NTSR1: variants seen among roughly 807,000 people sequenced by gnomAD.
The protein encoded by NTSR1 is neurotensin receptor 1.
In NTSR1, 29 loss-of-function variants were observed where a neutral mutation model predicts 31.2. The ratio of observed to expected loss-of-function variants is 0.93; its 90% CI spans 0.69 to 1.27. The LOEUF is 1.27. NTSR1 is among the 50% of genes most tolerant of loss of function. The pLI, the probability that NTSR1 is intolerant of heterozygous loss-of-function variation, is 0.00. For missense variants in NTSR1, 697 were observed against 595.4 expected (o/e 1.17, Z -1.78); for synonymous variants, 282 against 269.9 (o/e 1.04, Z -0.44).
At position 62,745,946 on chromosome 20, in the gene NTSR1, G is replaced by A. The variant is rs978767072; in HGVS notation, c.715-8739G>A. Among the ~76,000 whole-genome samples the A allele has an allele frequency of 5.9e-5, 9 of 152,244 alleles. No individual in the cohort carries two copies. Among genetic ancestry groups the A allele is most frequent in the African/African-American group, 2.2e-4 (9 of 41,464 alleles). ...GCCAGGGTGCTGTGGCATCAGTGGC[G>A]CTGAGGCATCCTCTGGCCGGCCCTG... On this transcript the variant is annotated intron_variant, in intron 1 of 3. Coordinates refer to ENST00000370501, the MANE Select transcript of NTSR1 (RefSeq NM_002531.3). The surrounding 1 kb of genome is among the most constrained non-coding windows in gnomAD (Gnocchi z 4.1).
At chr20:62,759,832 C>T (rs1377393985) in intron 3 of NTSR1, among the ~76,000 whole-genome samples, 186 bp from the exon 4 acceptor site, 1 of 151,682 alleles carries the variant, frequency 6.6e-6, no homozygotes, top group Non-Finnish European at 1.5e-5. Flanking sequence ...CGAGAACTTG[C>T]AGCTGCTCAG....
intron 1 of NTSR1, among the ~76,000 whole-genome samples, chr20:62,730,600 C>T (rs1366096714): frequency 6.6e-6 from 1 of 152,128 alleles, no homozygotes; most frequent in Non-Finnish European, 1.5e-5. Context: ...GTAGAAATGC[C>T]AAGGAGGGCG....
chr20:62,760,071 A>C lies in NTSR1; in HGVS notation c.1061A>C (p.Tyr354Ser), dbSNP rs748084499. 45 of 1,614,048 alleles carry C rather than the reference A, an allele frequency of 2.8e-5. No homozygotes were observed. Among genetic ancestry groups the C allele is most frequent in the Non-Finnish European group, 3.8e-5 (45 of 1,179,970 alleles). The change falls in exon 4 of 4, where the codon TAC (tyrosine) becomes TCC (serine). Residue 354 changes from tyrosine to serine, a missense_variant. Physicochemically the swap from Tyr to Ser is moderately radical, Grantham distance 144 (BLOSUM62 -2). Coordinates refer to ENST00000370501, the MANE Select transcript of NTSR1 (RefSeq NM_002531.3). ...YFYMVTNALF[Y>S]VSSTINPILY... ...TACATGGTGACCAACGCACTCTTCT[A>C]CGTCAGCTCCACCATCAACCCCATC... is the stretch of plus-strand genomic sequence containing the variant.
rs1365687440 is a variant in NTSR1 at position 62,758,640 on chromosome 20, T to A, written c.1007+284T>A. On this transcript the variant is annotated intron_variant, in intron 3 of 3. Transcript: ENST00000370501. This position sits in a 1 kb window ranked among gnomAD's most constrained non-coding sequence, Gnocchi z 4.5. ...CCCGAAGGTGAAAGAGAGACATCCC[T>A]GGCTCTGCTGGGGACATGGTGGGGG... is the stretch of plus-strand genomic sequence containing the variant. 2.0e-5 allele frequency among the ~76,000 whole-genome samples: 3 copies of A among 152,128 alleles called. No homozygotes were observed. Among genetic ancestry groups the A allele is most frequent in the Non-Finnish European group, 4.4e-5 (3 of 68,008 alleles).
At chr20:62,727,265 C>T (rs924707643) in intron 1 of NTSR1, among the ~76,000 whole-genome samples, 2 of 151,862 alleles carry the variant, frequency 1.3e-5, no homozygotes, top group Non-Finnish European at 2.9e-5. Flanking sequence ...CGTAGATGCG[C>T]TCTCTCCGGC....
In NTSR1 at chr20:62,733,028, G is replaced by A. The variant is rs1190042313; in HGVS notation, c.715-21657G>A. 6.8e-6 allele frequency: 1 copy of A among 146,856 alleles called. No individual in the cohort carries two copies. Among genetic ancestry groups the A allele is most frequent in the Non-Finnish European group, 1.5e-5 (1 of 66,270 alleles). The allele number at this position is 146,856 out of a possible 1,614,324, so 9.1% of individuals were successfully genotyped here. On this transcript the variant is annotated intron_variant, in intron 1 of 3. Transcript: ENST00000370501. The surrounding 1 kb of genome is among the most constrained non-coding windows in gnomAD (Gnocchi z 5.2). ...TGTTTCTCGGTGAGAAGCCGCCACG[G>A]GAGTCTGTGGACTTGTCACATCACC...
rs1475848423 is a variant in NTSR1 at position 62,745,873 on chromosome 20, G to T, written c.715-8812G>T. On this transcript the variant is annotated intron_variant, in intron 1 of 3. Coordinates refer to ENST00000370501, the MANE Select transcript of NTSR1 (RefSeq NM_002531.3). The surrounding 1 kb of genome is among the most constrained non-coding windows in gnomAD (Gnocchi z 4.1). ...CACGCGTCCCCCAGAATATTCATGG[G>T]GCTGGGCCAGGTGACTCCCTGCTCT... 6.6e-6 allele frequency among the ~76,000 whole-genome samples: 1 copy of T among 152,230 alleles called. No homozygotes were observed. Among genetic ancestry groups the T allele is most frequent in the South Asian group, 2.1e-4 (1 of 4,838 alleles).
At chr20:62,720,976 A>G (rs6011868) in intron 1 of NTSR1, among the ~76,000 whole-genome samples, 20,259 of 152,112 alleles carry the variant, frequency 0.13, 1,426 homozygotes, top group African/African-American at 0.15. Context: ...ATTTAACCCT[A>G]TTATGTTTAG....
rs368144985 is a variant in NTSR1, at chr20:62,709,571, G to A, written c.364G>A (p.Val122Met). ...DLLTLLLAMP[V>M]ELYNFIWVHH... ...GCTCACCCTGCTGCTGGCCATGCCC[G>A]TGGAGCTGTACAACTTCATCTGGGT... The change falls in exon 1 of 4, where the codon GTG becomes ATG. Residue 122 changes from valine to methionine, a missense_variant. Physicochemically the swap from Val to Met is conservative, Grantham distance 21. Transcript: ENST00000370501. The A allele has an allele frequency of 1.2e-6, 2 of 1,611,666 alleles. No individual in the cohort carries two copies. Among genetic ancestry groups the A allele is most frequent in the Non-Finnish European group, 1.7e-6 (2 of 1,179,872 alleles).
chr20:62,754,642 T>G lies in NTSR1; in HGVS notation c.715-43T>G. On this transcript the variant is annotated intron_variant, in intron 1 of 3. Coordinates refer to ENST00000370501, the MANE Select transcript of NTSR1 (RefSeq NM_002531.3). ...GGCATCCCAGCTGAGGGTGCATGAG[T>G]CCCGCTGCTGGCTCTGACAGCCTCG... The G allele has an allele frequency of 2.0e-6, 3 of 1,530,374 alleles. 1 individual carries two copies. In the East Asian group the frequency reaches 6.8e-5, roughly 34 times the overall value. 94.8% of individuals were successfully genotyped at this position (1,530,374 alleles called of 1,614,324 possible). A position where few individuals can be genotyped will look rare whatever the true frequency, so the allele number is the denominator to read the frequency against.
In NTSR1 at chr20:62,758,007, T is replaced by G. The variant is rs111382174; in HGVS notation, c.917-259T>G. Among the ~76,000 whole-genome samples the G allele has an allele frequency of 0.029, 4,292 of 149,630 alleles. 114 individuals are homozygous for G. Among genetic ancestry groups the G allele is most frequent in the African/African-American group, 0.093 (3,718 of 39,780 alleles). On this transcript the variant is annotated intron_variant, in intron 2 of 3. Transcript: ENST00000370501. This position sits in a 1 kb window ranked among gnomAD's most constrained non-coding sequence, Gnocchi z 4.5. ...TGCAGTGGGTCTCTGAGCCCACGTC[T>G]CTGTGCCTCAGGTGCAGTGGGTCTC...
intron 1 of NTSR1, among the ~76,000 whole-genome samples, chr20:62,750,290 G>A (rs1012712464): frequency 1.3e-5 from 2 of 152,208 alleles, no homozygotes; most frequent in African/African-American, 2.4e-5. Flanking sequence ...AGTGCTGGGG[G>A]AGGGGAACGA....
At chr20:62,728,056 C>A (rs1175436495) in intron 1 of NTSR1, among the ~76,000 whole-genome samples, 1 of 152,236 alleles carries the variant, frequency 6.6e-6, no homozygotes, top group Non-Finnish European at 1.5e-5. Flanking sequence ...GCCCCATCAT[C>A]TGGCTCTTTA....
intron 1 of NTSR1, among the ~76,000 whole-genome samples, chr20:62,718,485 T>G (rs1049129812): frequency 1.2e-4 from 19 of 152,280 alleles, no homozygotes; most frequent in African/African-American, 3.9e-4. Context: ...AATGCAGCCA[T>G]GTATCCCCAC....
intron 1 of NTSR1, among the ~76,000 whole-genome samples, chr20:62,721,152 A>G (rs955263651): frequency 3.9e-5 from 6 of 152,206 alleles, no homozygotes; most frequent in Non-Finnish European, 7.3e-5. Context: ...GGATAGTGTT[A>G]TAGTATTTAA....
chr20:62,710,433 G>A (rs963158523), intron 1 of NTSR1, among the ~76,000 whole-genome samples: 2 of 152,200 alleles, frequency 1.3e-5, no homozygotes, highest in Non-Finnish European at 2.9e-5. Context: ...CTGTGTGATG[G>A]GGTAGTGATA....
chr20:62,734,973 T>C (rs981749583), intron 1 of NTSR1, among the ~76,000 whole-genome samples: 6 of 152,024 alleles, frequency 3.9e-5, no homozygotes, highest in African/African-American at 1.5e-4. Context: ...GGCTTTGGGG[T>C]GTGTCCAGAG....
intron 1 of NTSR1, among the ~76,000 whole-genome samples, chr20:62,725,214 G>T (rs1010324413): frequency 2.6e-5 from 4 of 152,208 alleles, no homozygotes; most frequent in Admixed American, 2.0e-4. Flanking sequence ...GGGCTGGAAG[G>T]GCTACCCCAG....
rs145258545 is a variant in NTSR1 at position 62,760,022 on chromosome 20, C to G, written c.1012C>G (p.Leu338Val). The change falls in exon 4 of 4, where the codon CTC becomes GTC. Residue 338 changes from leucine to valine, a missense_variant. By Grantham distance (32) the Leu-to-Val change is conservative (BLOSUM62 1). Transcript: ENST00000370501. ...YISDEQWTPF[L>V]YDFYHYFYMV... ...AGCGCCTCTCTCTCCCCGCAGGTTC[C>G]TCTATGACTTCTACCACTACTTCTA... is the stretch of plus-strand genomic sequence containing the variant. 9 of 1,613,988 alleles carry G rather than the reference C, an allele frequency of 5.6e-6. No individual in the cohort carries two copies. Among genetic ancestry groups the G allele is most frequent in the African/African-American group, 1.3e-5 (1 of 75,046 alleles).
Sources: allele counts gnomAD v4.1 joint callset (sites outside exome capture counted in the v4.1 genomes callset), GRCh38; gene constraint gnomAD v4.1.1; non-coding constraint Gnocchi (gnomAD v3.1); transcripts MANE v1.5; gene names NCBI Gene and HGNC (gene_info 2026-07-23, HGNC 2026-07-21).